Variants in OSMR observed in about 807,000 individuals in gnomAD.
OSMR encodes oncostatin-M-specific receptor subunit beta.
OSMR carries 81 observed loss-of-function variants against 99.9 expected under a neutral mutation model. That is an observed-to-expected ratio of 0.81 (90% confidence interval 0.68 to 0.97). The LOEUF is 0.97. OSMR is among the 50% of genes least tolerant of loss of function. The pLI is 0.00. For missense variants in OSMR, 1,099 were observed against 1,153.4 expected (o/e 0.95, Z 0.68); for synonymous variants, 406 against 410.4 (o/e 0.99, Z 0.13).
intron 1 of OSMR, among the ~76,000 whole-genome samples, chr5:38,856,441 C>T (rs909535216): frequency 1.3e-5 from 2 of 152,192 alleles, no homozygotes; most frequent in Admixed American, 1.3e-4. Flanking sequence ...TGGCCTTGTC[C>T]AGTCCCACTG....
intron 5 of OSMR, among the ~76,000 whole-genome samples, chr5:38,884,448 G>A (rs577297038): frequency 6.6e-6 from 1 of 152,320 alleles, no homozygotes; most frequent in African/African-American, 2.4e-5. Flanking sequence ...AGGAGCTACA[G>A]ATTGGACAAC....
chr5:38,872,901 T>G (rs896720231), intron 2 of OSMR, among the ~76,000 whole-genome samples: 1 of 152,206 alleles, frequency 6.6e-6, no homozygotes, highest in African/African-American at 2.4e-5. Flanking sequence ...AAGAGTAGGA[T>G]TATAGAAACT....
At chr5:38,865,902 G>A (rs1370903038) in intron 1 of OSMR, among the ~76,000 whole-genome samples, 1 of 152,226 alleles carries the variant, frequency 6.6e-6, no homozygotes, top group Non-Finnish European at 1.5e-5. Flanking sequence ...GTGATGGGCT[G>A]TGGCAGGCCA....
intron 1 of OSMR, among the ~76,000 whole-genome samples, chr5:38,847,534 C>T (rs1739957396): frequency 6.6e-6 from 1 of 152,128 alleles, no homozygotes; most frequent in African/African-American, 2.4e-5. Flanking sequence ...CTTGCTTTGT[C>T]TCTCTCCTGG....
At chr5:38,853,120 T>G (rs1321295970) in intron 1 of OSMR, among the ~76,000 whole-genome samples, 2 of 152,208 alleles carry the variant, frequency 1.3e-5, no homozygotes, top group Non-Finnish European at 2.9e-5. Context: ...CCCTACATCC[T>G]TATCTTTTTT....
chr5:38,853,765 C>T (rs956815378), intron 1 of OSMR, among the ~76,000 whole-genome samples: 5 of 152,276 alleles, frequency 3.3e-5, no homozygotes, highest in African/African-American at 1.2e-4. Flanking sequence ...TTTAAAAAAT[C>T]AGTTATTCAT....
intron 1 of OSMR, among the ~76,000 whole-genome samples, chr5:38,851,691 T>C (rs73075328): frequency 3.3e-5 from 5 of 152,310 alleles, no homozygotes; most frequent in African/African-American, 1.2e-4. Context: ...CTTAGGTATA[T>C]ACTGTTTTGA....
chr5:38,945,312 T>C (rs1261136617), downstream of OSMR: 3 of 617,276 alleles, frequency 4.9e-6, no homozygotes, highest in Non-Finnish European at 5.7e-6. Flanking sequence ...CAGGCCCCAC[T>C]GTGACCTGGA....
intron 15 of OSMR, among the ~76,000 whole-genome samples, chr5:38,928,912 T>C (rs564246561): frequency 9.2e-5 from 14 of 152,204 alleles, no homozygotes; most frequent in African/African-American, 2.4e-4. Flanking sequence ...CACACACACA[T>C]GTGCACACAC....
intron 7 of OSMR, chr5:38,886,456 C>T: frequency 1.3e-6 from 1 of 776,348 alleles, no homozygotes; most frequent in Non-Finnish European, 1.8e-6. Flanking sequence ...TGTCATATCT[C>T]ATCCTGTAAC....
intron 7 of OSMR, among the ~76,000 whole-genome samples, chr5:38,897,895 A>G (rs1364286040): frequency 2.0e-5 from 3 of 151,976 alleles, no homozygotes; most frequent in Non-Finnish European, 2.9e-5. Context: ...TTTAATTTCT[A>G]TGTAGTTTAT....
At chr5:38,878,230 C>T (rs923838403) in intron 3 of OSMR, among the ~76,000 whole-genome samples, 13 of 152,118 alleles carry the variant, frequency 8.5e-5, no homozygotes, top group Non-Finnish European at 1.8e-4. Flanking sequence ...CTGAAGTTGA[C>T]GAGAACTATC....
At chr5:38,942,787 G>C (rs1202942095) in intron 1 of OSMR, 2 of 1,442,124 alleles carry the variant, frequency 1.4e-6, no homozygotes, top group Admixed American at 1.7e-5. Context: ...TTCAAACACA[G>C]AATTATTCTT....
At chr5:38,879,312 C>T (rs556556258) in intron 3 of OSMR, among the ~76,000 whole-genome samples, 1 of 152,350 alleles carries the variant, frequency 6.6e-6, no homozygotes, top group East Asian at 1.9e-4. Context: ...ATGCACAGGA[C>T]CATGGAGTGC....
intron 12 of OSMR, among the ~76,000 whole-genome samples, chr5:38,922,262 G>A (rs1746271170): frequency 6.6e-6 from 1 of 152,104 alleles, no homozygotes; most frequent in Non-Finnish European, 1.5e-5. Context: ...AGTCAGAGGA[G>A]TGCTGGTTTG....
chr5:38,917,541 T>C lies in OSMR; in HGVS notation c.1286-5T>C. 1 of 1,613,140 alleles carries C rather than the reference T, an allele frequency of 6.2e-7. No homozygotes were observed. Among genetic ancestry groups the C allele is most frequent in the Non-Finnish European group, 8.5e-7 (1 of 1,179,198 alleles). On this transcript the variant is annotated splice_polypyrimidine_tract_variant and splice_region_variant and intron_variant, in intron 9 of 17. Coordinates refer to ENST00000274276, the MANE Select transcript of OSMR (RefSeq NM_003999.3). ...ACTCAAGAACTTTTCTTTGGTTAAT[T>C]TCAGCTCCCTCAGAGGCCCCTGATG...
chr5:38,865,747 C>T (rs1579653114), intron 1 of OSMR, among the ~76,000 whole-genome samples: 1 of 151,604 alleles, frequency 6.6e-6, no homozygotes, highest in Admixed American at 6.6e-5. Flanking sequence ...ATGTGGCTTG[C>T]TTGGGTGCCA....
chr5:38,855,373 C>T (rs1365890687), intron 1 of OSMR, among the ~76,000 whole-genome samples: 6 of 152,120 alleles, frequency 3.9e-5, no homozygotes, highest in African/African-American at 9.7e-5. Context: ...ACTGTGTATC[C>T]GGCTAGCTGC....
chr5:38,888,583 C>A (rs1374865110), intron 7 of OSMR, among the ~76,000 whole-genome samples: 1 of 152,178 alleles, frequency 6.6e-6, no homozygotes, highest in Non-Finnish European at 1.5e-5. Context: ...CAGTTAAAAT[C>A]ATTGTTAGCA....
Sources: gnomAD v4.1 joint callset for allele counts (sites outside exome capture counted in the v4.1 genomes callset) on GRCh38, gnomAD v4.1.1 for gene constraint, MANE v1.5 for transcripts, NCBI Gene and HGNC (gene_info 2026-07-23, HGNC 2026-07-21) for gene names.